YAP1: variants seen among roughly 807,000 people sequenced by gnomAD.
YAP1 encodes the protein Yes1 associated transcriptional regulator.
In YAP1, 5 loss-of-function variants were observed where a neutral mutation model predicts 56.9. That is an observed-to-expected ratio of 0.09 (90% CI 0.05 to 0.18). The LOEUF is 0.18. Ranked by LOEUF, YAP1 falls within the 10% of genes least tolerant of loss-of-function variation. YAP1 has a pLI of 1.00. For synonymous variants in YAP1, 265 were observed against 248.1 expected, an observed-to-expected ratio of 1.07 and a Z score of -0.64; for missense variants, 539 against 651.8, an observed-to-expected ratio of 0.83 and a Z score of 1.88.
At chr11:102,143,389 A>G (rs1945128265) in intron 2 of YAP1, among the ~76,000 whole-genome samples, 1 of 152,204 alleles carries the variant, frequency 6.6e-6, no homozygotes, top group Non-Finnish European at 1.5e-5. Context: ...ATAGTTGTTG[A>G]ATGAACTGGA....
chr11:102,200,146 C>T (rs1034401936), intron 4 of YAP1, among the ~76,000 whole-genome samples: 29 of 151,884 alleles, frequency 1.9e-4, no homozygotes, highest in Admixed American at 6.6e-5. Context: ...GCAGTACTGC[C>T]GTACTAGTAT....
chr11:102,232,990 A>AT lies in YAP1; in HGVS notation c.*3051dup, dbSNP rs1278403988. 3 of 152,246 alleles carry AT rather than the reference A, an allele frequency of 2.0e-5. No homozygotes were observed. The highest frequency in any genetic ancestry group is 4.4e-5 in the Non-Finnish European group (3 of 68,040). 9.4% of individuals were successfully genotyped at this position (152,246 alleles called of 1,614,324 possible). The stretch of plus-strand genomic sequence containing the variant: ...TGGAACATGGCAGAAAGACTGAAAA[A>AT]TAACAGTAATTAATTGTGTAATTCA... On this transcript the variant is annotated 3_prime_UTR_variant, in exon 9 of 9. Transcript: ENST00000282441.
chr11:102,186,870 A>G (rs1163783688), intron 4 of YAP1, among the ~76,000 whole-genome samples: 1 of 112,146 alleles, frequency 8.9e-6, no homozygotes, highest in Non-Finnish European at 2.0e-5. Flanking sequence ...TCAGTTTTTC[A>G]TTTGGGTTTC....
At chr11:102,170,203 G>A (rs1418354313) in intron 3 of YAP1, among the ~76,000 whole-genome samples, 1 of 152,142 alleles carries the variant, frequency 6.6e-6, no homozygotes, top group Admixed American at 6.5e-5. Flanking sequence ...GAATCACTCT[G>A]ATGTTGTTTA....
intron 4 of YAP1, among the ~76,000 whole-genome samples, chr11:102,188,905 T>G (rs1333791454): frequency 6.6e-6 from 1 of 151,442 alleles, no homozygotes; most frequent in African/African-American, 2.4e-5. Context: ...TTGTTGTGGA[T>G]TGGGTTTTTT....
At chr11:102,186,433 GTT>G (rs879806527) in intron 4 of YAP1, 115 of 250,666 alleles carry the variant, frequency 4.6e-4, no homozygotes, top group South Asian at 9.1e-4. Flanking sequence ...TTTTTAAAAT[GTT>G]TTTTTTTTTT....
At chr11:102,159,512 C>T (rs1350609483) in intron 2 of YAP1, among the ~76,000 whole-genome samples, 2 of 152,210 alleles carry the variant, frequency 1.3e-5, no homozygotes, top group African/African-American at 2.4e-5. Context: ...GTCATCTTCA[C>T]TTAACTGAAC....
intron 2 of YAP1, among the ~76,000 whole-genome samples, chr11:102,125,720 T>C (rs1423098189): frequency 6.6e-6 from 1 of 152,132 alleles, no homozygotes; most frequent in African/African-American, 2.4e-5. Flanking sequence ...TTTTCTGAGC[T>C]CATTGTTTAT....
chr11:102,202,780 TATA>T (rs1948940154), intron 4 of YAP1, among the ~76,000 whole-genome samples: 1 of 152,176 alleles, frequency 6.6e-6, no homozygotes, highest in Non-Finnish European at 1.5e-5. Flanking sequence ...CTAAAATGGA[TATA>T]ATAAGTTTAC....
intron 3 of YAP1, among the ~76,000 whole-genome samples, chr11:102,183,118 A>G (rs1314571175): frequency 6.6e-6 from 1 of 152,208 alleles, no homozygotes; most frequent in East Asian, 1.9e-4. Context: ...GTGCATGGAG[A>G]ATGGAAGAGG....
intron 4 of YAP1, among the ~76,000 whole-genome samples, chr11:102,195,183 G>A (rs866088732): frequency 1.3e-5 from 2 of 152,110 alleles, no homozygotes; most frequent in African/African-American, 2.4e-5. Context: ...ATTAGAACAC[G>A]TTCTCCCTTT....
intron 6 of YAP1, among the ~76,000 whole-genome samples, chr11:102,222,777 A>G (rs1949995150): frequency 6.6e-6 from 1 of 151,676 alleles, no homozygotes; most frequent in African/African-American, 2.4e-5. Context: ...AAAATGAGAC[A>G]TTTAATAGCA....
At chr11:102,163,768 C>A (rs1345292730) in intron 3 of YAP1, among the ~76,000 whole-genome samples, 5 of 152,148 alleles carry the variant, frequency 3.3e-5, no homozygotes, top group African/African-American at 1.2e-4. Flanking sequence ...CTTGACTAGG[C>A]GAATTCACAG....
rs1382610295 is a variant in YAP1, at chr11:102,124,255, CCA to C, written c.572+9862_572+9863del. Among the ~76,000 whole-genome samples, 6 of 152,262 alleles carry C rather than the reference CCA, an allele frequency of 3.9e-5. No homozygotes were observed. The East Asian group carries it at 1.2e-3, about 29-fold the overall frequency. ...GGCATGAGCTGCTGCGCCCGGCACT[CCA>C]TTTTCTTCTAGCTTCCAGTTTGCTA... On this transcript the variant is annotated intron_variant, in intron 2 of 8. Coordinates refer to ENST00000282441, the MANE Select transcript of YAP1 (RefSeq NM_001130145.3).
At chr11:102,211,861 G>A (rs370868793) in intron 6 of YAP1, among the ~76,000 whole-genome samples, 85 of 152,100 alleles carry the variant, frequency 5.6e-4, no homozygotes, top group African/African-American at 1.9e-3. Flanking sequence ...CTGCCACTAC[G>A]CCCAGCTAAT....
intron 2 of YAP1, among the ~76,000 whole-genome samples, chr11:102,119,681 G>A (rs1444513714): frequency 1.4e-5 from 2 of 146,816 alleles, no homozygotes; most frequent in Non-Finnish European, 3.0e-5. Context: ...CCTAAAATAA[G>A]TCCTCTTTAG....
At chr11:102,125,726 T>C (rs780021995) in intron 2 of YAP1, among the ~76,000 whole-genome samples, 1 of 152,142 alleles carries the variant, frequency 6.6e-6, no homozygotes, top group Non-Finnish European at 1.5e-5. Context: ...GAGCTCATTG[T>C]TTATTATTTT....
rs759799704 is a variant in YAP1, at chr11:102,233,325, ATATGT to A, written c.*3388_*3392del. ...TTGTTTTAGATGTAAGAGCATGCTC[ATATGT>A]TAGGTACTTACATAAATTGTTACAT... On this transcript the variant is annotated 3_prime_UTR_variant, in exon 9 of 9. Coordinates refer to ENST00000282441, the MANE Select transcript of YAP1 (RefSeq NM_001130145.3). 7.9e-5 allele frequency: 12 copies of A among 152,198 alleles called. No individual in the cohort carries two copies. Among genetic ancestry groups the A allele is most frequent in the Non-Finnish European group, 1.5e-4 (10 of 68,036 alleles). 9.4% of individuals were successfully genotyped at this position (152,198 alleles called of 1,614,324 possible). A position where few individuals can be genotyped will look rare whatever the true frequency, so the allele number is the denominator to read the frequency against.
chr11:102,199,979 TAAA>T (rs1226929598), intron 4 of YAP1, among the ~76,000 whole-genome samples: 3 of 152,138 alleles, frequency 2.0e-5, no homozygotes, highest in Non-Finnish European at 4.4e-5. Flanking sequence ...AAACTTATAA[TAAA>T]AAAGTTAGTT....
Sources: gnomAD v4.1 joint callset for allele counts (sites outside exome capture counted in the v4.1 genomes callset) on GRCh38, gnomAD v4.1.1 for gene constraint, MANE v1.5 for transcripts, NCBI Gene and HGNC (gene_info 2026-07-23, HGNC 2026-07-21) for gene names.